Variants in DOP1A observed in about 807,000 individuals in gnomAD.
The protein encoded by DOP1A is DOP1 leucine zipper like protein A.
Under a neutral mutation model 267.6 loss-of-function variants are expected in DOP1A, and 90 were observed. The observed-to-expected ratio is 0.34, with a 90% CI of 0.28 to 0.40. The LOEUF (loss-of-function observed/expected upper bound fraction) is 0.40, where lower values mean the gene tolerates loss of function less well. DOP1A is among the 10% of genes least tolerant of loss of function. The probability of loss-of-function intolerance (pLI) is 1.00; values close to 1 mark genes in which losing one functional copy is unlikely to be tolerated. For missense variants in DOP1A, 2,437 were observed against 2,900.4 expected (o/e 0.84, Z 3.67); for synonymous variants, 932 against 999.1 (o/e 0.93, Z 1.27).
intron 1 of DOP1A, chr6:83,073,075 C>CTT: frequency 8.9e-6 from 2 of 225,538 alleles, no homozygotes; most frequent in Non-Finnish European, 9.3e-6. Context: ...TAGCAGTTCA[C>CTT]TTTTTTTTCC....
chr6:83,131,728 C>A (rs963563783), intron 17 of DOP1A, among the ~76,000 whole-genome samples: 33 of 151,968 alleles, frequency 2.2e-4, no homozygotes, highest in African/African-American at 8.0e-4. Context: ...TTGCGCTTTT[C>A]GGGTTCAAGC....
At chr6:83,077,144 G>A (rs528637155) in intron 1 of DOP1A, among the ~76,000 whole-genome samples, 3 of 152,136 alleles carry the variant, frequency 2.0e-5, no homozygotes, top group Non-Finnish European at 2.9e-5. Flanking sequence ...AAAAGTTCTG[G>A]AGATTGGTTG....
chr6:83,168,713 C>G, downstream of DOP1A: 1 of 996,424 alleles, frequency 1.0e-6, no homozygotes, highest in Non-Finnish European at 1.2e-6. Flanking sequence ...GATGGACAAC[C>G]CCCTATTCAT....
chr6:83,075,387 T>C (rs1766906810), intron 1 of DOP1A, among the ~76,000 whole-genome samples: 2 of 152,070 alleles, frequency 1.3e-5, no homozygotes, highest in South Asian at 4.1e-4. Flanking sequence ...AGTTCTATGA[T>C]AGAGGAAGTA....
Position 83,134,231 on chromosome 6 carries a change from T to C in DOP1A, c.2814T>C (p.His938=). ...EAHAKFAVLW[H]LTRDLHINKS... ...ATGCCAAGTTTGCAGTTCTTTGGCA[T>C]CTAACGAGAGATCTCCATATAAATA... The change falls in exon 19 of 39, where the codon CAT becomes CAC. Residue 938 remains histidine, a synonymous_variant. Transcript: ENST00000349129. 1 of 1,613,104 alleles carries C rather than the reference T, an allele frequency of 6.2e-7. No homozygotes were observed. Among genetic ancestry groups the C allele is most frequent in the East Asian group, 2.2e-5 (1 of 44,814 alleles).
chr6:83,134,509 C>T, intron 19 of DOP1A: 3 of 423,730 alleles, frequency 7.1e-6, no homozygotes, highest in East Asian at 3.9e-5. Flanking sequence ...GCTCCACTTC[C>T]CTTCCTTGGA....
At chr6:83,147,151 G>C (rs1389850546) in intron 25 of DOP1A, 85 bp from the exon 26 acceptor site, 6 of 535,024 alleles carry the variant, frequency 1.1e-5, no homozygotes, top group Non-Finnish European at 1.6e-5. Flanking sequence ...TTAAAAATTG[G>C]CAGTAAGATA....
intron 1 of DOP1A, among the ~76,000 whole-genome samples, chr6:83,090,378 A>G (rs1770123800): frequency 6.6e-6 from 1 of 152,170 alleles, no homozygotes; most frequent in Non-Finnish European, 1.5e-5. Flanking sequence ...TGGAGGCCCT[A>G]CCGTCTACTG....
intron 1 of DOP1A, among the ~76,000 whole-genome samples, chr6:83,096,041 GT>G (rs1771428118): frequency 1.3e-5 from 2 of 152,274 alleles, no homozygotes; most frequent in African/African-American, 4.8e-5. Context: ...GAGTCACAAA[GT>G]TGACCCTAAG....
At chr6:83,100,149 T>A (rs1370113925) in intron 3 of DOP1A, among the ~76,000 whole-genome samples, 1 of 152,174 alleles carries the variant, frequency 6.6e-6, no homozygotes, top group African/African-American at 2.4e-5. Context: ...AAACAAAAAG[T>A]TGTTTTGTCC....
At chr6:83,157,081 T>C in intron 34 of DOP1A, 101 bp from the exon 35 acceptor site, 1 of 1,168,106 alleles carries the variant, frequency 8.6e-7, no homozygotes, top group African/African-American at 1.6e-5. Context: ...TTAAAGTTTA[T>C]CCTTTACTAC....
intron 3 of DOP1A, among the ~76,000 whole-genome samples, chr6:83,100,412 T>A (rs994786160): frequency 6.6e-6 from 1 of 152,132 alleles, no homozygotes; most frequent in African/African-American, 2.4e-5. Flanking sequence ...ATTAAAAATT[T>A]ACCAAAAAAA....
At chr6:83,108,047 G>T (rs1276903318) in intron 4 of DOP1A, among the ~76,000 whole-genome samples, 1 of 152,206 alleles carries the variant, frequency 6.6e-6, no homozygotes, top group East Asian at 1.9e-4. Context: ...AACATGAAGA[G>T]CAAGATATGA....
intron 15 of DOP1A, 85 bp from the exon 16 acceptor site, chr6:83,128,802 A>G: frequency 1.4e-6 from 2 of 1,453,466 alleles, no homozygotes; most frequent in Non-Finnish European, 1.8e-6. Flanking sequence ...TGAATAGTCT[A>G]AAACATCTCA....
At chr6:83,101,897 A>G (rs974044749) in intron 4 of DOP1A, among the ~76,000 whole-genome samples, 1 of 152,210 alleles carries the variant, frequency 6.6e-6, no homozygotes, top group African/African-American at 2.4e-5. Flanking sequence ...GTTAAAATCT[A>G]TTTAGTAAAA....
chr6:83,069,477 C>T (rs1477646745), intron 1 of DOP1A, among the ~76,000 whole-genome samples: 1 of 152,110 alleles, frequency 6.6e-6, no homozygotes, highest in Non-Finnish European at 1.5e-5. Context: ...AATATAATTA[C>T]ATAGAATATA....
chr6:83,155,413 A>T (rs1782583892), intron 33 of DOP1A, among the ~76,000 whole-genome samples: 1 of 152,132 alleles, frequency 6.6e-6, no homozygotes, highest in Non-Finnish European at 1.5e-5. Context: ...GTGAGCCATG[A>T]TTGTGCCCAC....
At chr6:83,104,224 C>T (rs1041070356) in intron 4 of DOP1A, among the ~76,000 whole-genome samples, 2 of 152,138 alleles carry the variant, frequency 1.3e-5, no homozygotes, top group Non-Finnish European at 2.9e-5. Flanking sequence ...TATAGTCACA[C>T]TATCTGTGAA....
intron 20 of DOP1A, 98 bp from the exon 21 acceptor site, chr6:83,137,075 C>T: frequency 8.8e-7 from 1 of 1,140,846 alleles, no homozygotes; most frequent in Non-Finnish European, 1.2e-6. Flanking sequence ...GATGATGACA[C>T]TAATGATTAA....
Sources: allele counts gnomAD v4.1 joint callset (sites outside exome capture counted in the v4.1 genomes callset), GRCh38; gene constraint gnomAD v4.1.1; transcripts MANE v1.5; gene names NCBI Gene and HGNC (gene_info 2026-07-23, HGNC 2026-07-21).